The following B3GLCT variants were observed in gnomAD, a reference collection of about 807,000 sequenced individuals.
B3GLCT encodes beta-1,3-glucosyltransferase.
B3GLCT carries 65 observed loss-of-function variants against 63.4 expected under a neutral mutation model. That is an observed-to-expected ratio of 1.03 (90% CI 0.84 to 1.26). B3GLCT has a LOEUF of 1.26. Among genes scored for constraint, B3GLCT ranks in the 50% most tolerant of loss-of-function variants. The probability of loss-of-function intolerance (pLI) is 0.00; values close to 1 mark genes in which losing one functional copy is unlikely to be tolerated. For missense variants in B3GLCT, 577 were observed against 604.8 expected, an observed-to-expected ratio of 0.95 and a Z score of 0.48; for synonymous variants, 233 against 219.2, an observed-to-expected ratio of 1.06 and a Z score of -0.55.
chr13:31,243,840 T>A (rs1871067316), intron 4 of B3GLCT, among the ~76,000 whole-genome samples: 1 of 152,268 alleles, frequency 6.6e-6, no homozygotes, highest in African/African-American at 2.4e-5. Flanking sequence ...CAGACTTTAA[T>A]TCAAAGAGAT....
chr13:31,200,197 T>A, intron 1 of B3GLCT, 43 bp downstream of exon 1: 1 of 1,198,128 alleles, frequency 8.3e-7, no homozygotes, highest in Non-Finnish European at 1.0e-6. Flanking sequence ...AGGCGTGGGG[T>A]TCGCGGGCAC....
intron 10 of B3GLCT, among the ~76,000 whole-genome samples, chr13:31,284,243 C>T (rs1174386035): frequency 2.0e-5 from 3 of 152,128 alleles, no homozygotes; most frequent in Non-Finnish European, 4.4e-5. Flanking sequence ...CTGTTAGAAT[C>T]TTTGGGTGGG....
At chr13:31,312,040 A>G (rs144965107) in intron 12 of B3GLCT, among the ~76,000 whole-genome samples, 1,918 of 152,306 alleles carry the variant, frequency 0.013, 21 homozygotes, top group Admixed American at 0.046. Flanking sequence ...CAGTCCCTCA[A>G]TCTTGCAAGG....
chr13:31,225,646 C>T (rs895005100), intron 3 of B3GLCT, among the ~76,000 whole-genome samples: 4 of 152,114 alleles, frequency 2.6e-5, no homozygotes, highest in Non-Finnish European at 4.4e-5. Context: ...TCGATAATAC[C>T]CCCATGCGTC....
intron 2 of B3GLCT, among the ~76,000 whole-genome samples, chr13:31,216,150 T>C (rs1001170206): frequency 4.1e-4 from 63 of 152,134 alleles, no homozygotes; most frequent in African/African-American, 1.4e-3. Flanking sequence ...AATGTTTCTT[T>C]ATCAACAGGG....
intron 4 of B3GLCT, among the ~76,000 whole-genome samples, chr13:31,229,811 AT>A (rs959699989): frequency 1.4e-4 from 20 of 147,926 alleles, no homozygotes; most frequent in African/African-American, 3.2e-4. Flanking sequence ...CATATTCTGA[AT>A]TTTTTTTTGT....
intron 1 of B3GLCT, 99 bp downstream of exon 1, chr13:31,200,253 C>A: frequency 1.6e-6 from 1 of 623,002 alleles, no homozygotes; most frequent in African/African-American, 2.0e-5. Flanking sequence ...CGCAGGGCGG[C>A]CCAGCCCTGC....
At chr13:31,258,831 T>A (rs1400987546) in intron 6 of B3GLCT, among the ~76,000 whole-genome samples, 7 of 152,208 alleles carry the variant, frequency 4.6e-5, no homozygotes, top group Non-Finnish European at 8.8e-5. Context: ...ACTTGATGAC[T>A]TTTGTTAGTT....
intron 12 of B3GLCT, among the ~76,000 whole-genome samples, chr13:31,310,337 A>C (rs1300672685): frequency 6.6e-6 from 1 of 152,278 alleles, no homozygotes; most frequent in Non-Finnish European, 1.5e-5. Flanking sequence ...CTCACTCTCC[A>C]GTGTCTGTGT....
At chr13:31,293,317 C>G (rs1447331663) in intron 12 of B3GLCT, among the ~76,000 whole-genome samples, 1 of 152,086 alleles carries the variant, frequency 6.6e-6, no homozygotes, top group South Asian at 2.1e-4. Flanking sequence ...TCTATTAGGT[C>G]TGCTTGGTCC....
At chr13:31,256,711 GA>G (rs1871759103) in intron 6 of B3GLCT, among the ~76,000 whole-genome samples, 1 of 152,176 alleles carries the variant, frequency 6.6e-6, no homozygotes, top group African/African-American at 2.4e-5. Flanking sequence ...TCATAAGTGG[GA>G]GTTAATCAAT....
intron 6 of B3GLCT, among the ~76,000 whole-genome samples, chr13:31,257,312 C>T (rs1199483029): frequency 6.6e-6 from 1 of 151,930 alleles, no homozygotes; most frequent in Non-Finnish European, 1.5e-5. Context: ...ATGTAAAATA[C>T]AGTGATTTTC....
At chr13:31,215,396 C>T (rs1234677515) in intron 2 of B3GLCT, among the ~76,000 whole-genome samples, 4 of 152,106 alleles carry the variant, frequency 2.6e-5, no homozygotes, top group African/African-American at 9.7e-5. Context: ...ATAGTTTTCC[C>T]CAGTCTTACC....
At chr13:31,321,566 A>G (rs148097996) in intron 13 of B3GLCT, among the ~76,000 whole-genome samples, 103 of 152,312 alleles carry the variant, frequency 6.8e-4, no homozygotes, top group African/African-American at 2.4e-3. Flanking sequence ...GAAACATATA[A>G]ATGGTTGCAA....
rs1593297763 is a variant in B3GLCT, at chr13:31,286,636, A to G, written c.965-84A>G. 4.0e-6 allele frequency: 4 copies of G among 995,838 alleles called. No individual in the cohort carries two copies. In the East Asian group the frequency reaches 1.1e-4, roughly 26 times the overall value. 61.7% of individuals were successfully genotyped at this position (995,838 alleles called of 1,614,324 possible). ...ATTTTGGCATGTAAGCTCTTAGAAC[A>G]CTTCAAAACTAAAAAGAAATGAACA... On this transcript the variant is annotated intron_variant, in intron 11 of 14. Coordinates refer to ENST00000343307, the MANE Select transcript of B3GLCT (RefSeq NM_194318.4).
rs1248238912 is a variant in B3GLCT, at chr13:31,329,572, C to T, written c.1401C>T (p.Asn467=). 4.3e-6 allele frequency: 7 copies of T among 1,614,094 alleles called. No individual in the cohort carries two copies. The highest frequency in any genetic ancestry group is 5.9e-6 in the Non-Finnish European group (7 of 1,180,050). Residue 467 remains asparagine (N), a synonymous_variant, in exon 15 of 15, where the codon AAC becomes AAT. Coordinates refer to ENST00000343307, the MANE Select transcript of B3GLCT (RefSeq NM_194318.4). The part of the protein sequence containing the change: ...QVPISFHKHW[N]IDPVKVYFTW... ...CCATATCGTTCCACAAACACTGGAA[C>T]ATCGATCCAGTGAAGGTGTATTTCA...
At chr13:31,246,898 C>G in intron 4 of B3GLCT, 125 bp from the exon 5 acceptor site, 1 of 733,734 alleles carries the variant, frequency 1.4e-6, no homozygotes, top group Non-Finnish European at 2.3e-6. Context: ...CTAGAAACAG[C>G]TGCATTTTAA....
At chr13:31,314,327 G>A (rs1874881245) in intron 12 of B3GLCT, among the ~76,000 whole-genome samples, 1 of 152,194 alleles carries the variant, frequency 6.6e-6, no homozygotes, top group Non-Finnish European at 1.5e-5. Context: ...GACACTCAAT[G>A]TCAGCCTGTG....
chr13:31,213,631 C>CCCCCCCCCCCCCA, intron 1 of B3GLCT, among the ~76,000 whole-genome samples: 1 of 127,680 alleles, frequency 7.8e-6, no homozygotes, highest in Admixed American at 7.7e-5. Context: ...ACCCCCCCCC[C>CCCCCCCCCCCCCA]CCGCCAAAAC....
Sources: gnomAD v4.1 joint callset for allele counts (sites outside exome capture counted in the v4.1 genomes callset) on GRCh38, gnomAD v4.1.1 for gene constraint, MANE v1.5 for transcripts, NCBI Gene and HGNC (gene_info 2026-07-23, HGNC 2026-07-21) for gene names.